The following SORCS1 variants were observed in gnomAD, a reference collection of about 807,000 sequenced individuals.
The protein encoded by SORCS1 is VPS10 domain-containing receptor SorCS1.
Under a neutral mutation model 146.1 loss-of-function variants are expected in SORCS1, and 60 were observed. The ratio of observed to expected loss-of-function variants is 0.41; its 90% CI spans 0.33 to 0.51. The LOEUF is 0.51. Among genes scored for constraint, SORCS1 ranks in the 20% least tolerant of loss-of-function variants. The probability of loss-of-function intolerance (pLI) is 0.21; values close to 1 mark genes in which losing one functional copy is unlikely to be tolerated. For synonymous variants in SORCS1, 637 were observed against 584.0 expected (o/e 1.09, Z -1.31); for missense variants, 1,352 against 1,487.6 (o/e 0.91, Z 1.50).
intron 1 of SORCS1, among the ~76,000 whole-genome samples, chr10:106,995,538 A>G (rs1956955833): frequency 6.6e-6 from 1 of 152,112 alleles, no homozygotes. Context: ...TGGGGAAAAA[A>G]ACGTCCTGCG....
At chr10:107,014,253 CAA>C (rs562179526) in intron 1 of SORCS1, among the ~76,000 whole-genome samples, 3,834 of 79,154 alleles carry the variant, frequency 0.048, 84 homozygotes, top group African/African-American at 0.18. Context: ...GACCCTGCGT[CAA>C]AAAAAAAAAA....
intron 8 of SORCS1, among the ~76,000 whole-genome samples, chr10:106,700,281 T>C (rs754336839): frequency 5.3e-5 from 8 of 152,144 alleles, no homozygotes; most frequent in Non-Finnish European, 1.5e-5. Context: ...AGAAGTACAA[T>C]GGAAGCTACC....
intron 1 of SORCS1, among the ~76,000 whole-genome samples, chr10:107,081,215 G>A (rs1442129957): frequency 6.6e-6 from 1 of 152,064 alleles, no homozygotes; most frequent in African/African-American, 2.4e-5. Context: ...ACAACTCAAT[G>A]GATAATGGTA....
chr10:106,992,734 C>T (rs533884760), intron 1 of SORCS1, among the ~76,000 whole-genome samples: 1 of 151,722 alleles, frequency 6.6e-6, no homozygotes, highest in Non-Finnish European at 1.5e-5. Context: ...TGACCTCAAG[C>T]AATCCTCCAT....
intron 1 of SORCS1, among the ~76,000 whole-genome samples, chr10:107,074,830 G>A (rs190889216): frequency 6.6e-6 from 1 of 151,788 alleles, no homozygotes; most frequent in East Asian, 1.9e-4. Context: ...ATCCTTACTC[G>A]TCATCTGTAT....
intron 18 of SORCS1, among the ~76,000 whole-genome samples, chr10:106,638,602 G>A (rs1848867822): frequency 6.6e-6 from 1 of 152,162 alleles, no homozygotes; most frequent in Non-Finnish European, 1.5e-5. Context: ...CAGTCAATAT[G>A]TTTAAATAGC....
chr10:107,164,684 C>T lies in SORCS1; in HGVS notation c.-158G>A, dbSNP rs948797543. 3.9e-5 allele frequency: 21 copies of T among 533,524 alleles called. No homozygotes were observed. The highest frequency in any genetic ancestry group is 3.8e-4 in the African/African-American group (19 of 50,326). The allele number at this position is 533,524 out of a possible 1,614,324, so 33.0% of individuals were successfully genotyped here. A position where few individuals can be genotyped will look rare whatever the true frequency, so the allele number is the denominator to read the frequency against. ...GGAGGCGGCGCCGGGCAGGTGGCGG[C>T]CGCTTGCCCGGGCTGGGCTTGTGCC... On this transcript the variant is annotated 5_prime_UTR_variant, in exon 1 of 26. Coordinates refer to ENST00000263054, the MANE Select transcript of SORCS1 (RefSeq NM_052918.5). The surrounding 1 kb of genome is among the most constrained non-coding windows in gnomAD (Gnocchi z 6.8).
intron 23 of SORCS1, among the ~76,000 whole-genome samples, chr10:106,605,823 G>A (rs940600214): frequency 1.3e-5 from 2 of 152,160 alleles, no homozygotes; most frequent in Non-Finnish European, 2.9e-5. Flanking sequence ...GGAGCCTTCT[G>A]CCAAGTGAAA....
chr10:107,042,301 C>T (rs1051047307), intron 1 of SORCS1, among the ~76,000 whole-genome samples: 5 of 152,124 alleles, frequency 3.3e-5, no homozygotes, highest in African/African-American at 7.2e-5. Context: ...ATAATAACAA[C>T]GAATAGCTTT....
In SORCS1 at chr10:106,713,374, C is replaced by A. The variant is rs553821395; in HGVS notation, c.1025-4033G>T. Among the ~76,000 whole-genome samples the A allele has an allele frequency of 2.6e-5, 4 of 152,276 alleles. No homozygotes were observed. In the East Asian group the frequency reaches 7.7e-4, roughly 29 times the overall value. On this transcript the variant is annotated intron_variant, in intron 6 of 25. Coordinates refer to ENST00000263054, the MANE Select transcript of SORCS1 (RefSeq NM_052918.5). ...CCAACTAGAATTTTTAAGACTGACA[C>A]CTAATGAGGACTTGATGCATACACA...
In SORCS1 at chr10:106,600,394, G is replaced by A. The variant is rs981192353; in HGVS notation, c.3166-2944C>T. 9 of 979,106 alleles carry A rather than the reference G, an allele frequency of 9.2e-6. No homozygotes were observed. In the African/African-American group the frequency reaches 1.4e-4, roughly 15 times the overall value. 60.7% of individuals were successfully genotyped at this position (979,106 alleles called of 1,614,324 possible). A position where few individuals can be genotyped will look rare whatever the true frequency, so the allele number is the denominator to read the frequency against. Reference sequence around the variant, plus strand: ...ACATTCAACAATGAACACATGCTTTGTGAGAAAAAATTTGCATAAGAAAAC... The same window carrying A: ...ACATTCAACAATGAACACATGCTTTATGAGAAAAAATTTGCATAAGAAAAC... On this transcript the variant is annotated intron_variant, in intron 23 of 25. Coordinates refer to ENST00000263054, the MANE Select transcript of SORCS1 (RefSeq NM_052918.5).
At chr10:106,853,397 ATTTT>A (rs57934259) in intron 2 of SORCS1, among the ~76,000 whole-genome samples, 3 of 136,564 alleles carry the variant, frequency 2.2e-5, no homozygotes, top group African/African-American at 8.3e-5. Context: ...CATTTTCTTG[ATTTT>A]TTTTTTTTTC....
At chr10:106,675,404 A>G (rs185574980) in intron 13 of SORCS1, among the ~76,000 whole-genome samples, 2 of 152,338 alleles carry the variant, frequency 1.3e-5, no homozygotes, top group East Asian at 3.9e-4. Context: ...GAGAATAACT[A>G]TAAGTCTTTT....
At chr10:106,656,518 T>C (rs946376535) in intron 17 of SORCS1, among the ~76,000 whole-genome samples, 1 of 151,814 alleles carries the variant, frequency 6.6e-6, no homozygotes, top group African/African-American at 2.4e-5. Context: ...ATTGCACCAC[T>C]GCACTCCCGA....
chr10:106,775,380 G>T (rs1170063250), intron 4 of SORCS1, among the ~76,000 whole-genome samples: 1 of 151,658 alleles, frequency 6.6e-6, no homozygotes, highest in Non-Finnish European at 1.5e-5. Context: ...AAAAAAAAAT[G>T]AATTGTAAAT....
chr10:106,822,802 T>TTTTTTTTTTTTTTTTTTTTTTTTTTTTTG (rs994708912), intron 3 of SORCS1, among the ~76,000 whole-genome samples: 3 of 140,120 alleles, frequency 2.1e-5, no homozygotes, highest in Non-Finnish European at 3.0e-5. Flanking sequence ...TTTTTTTTTT[T>TTTTTTTTTTTTTTTTTTTTTTTTTTTTTG]GAATATTGCT....
At chr10:106,657,845 T>G (rs1850425183) in intron 17 of SORCS1, among the ~76,000 whole-genome samples, 1 of 151,952 alleles carries the variant, frequency 6.6e-6, no homozygotes, top group African/African-American at 2.4e-5. Flanking sequence ...GCCTACAAAT[T>G]AGGGATAATT....
chr10:107,009,828 ATC>A (rs1957619328), intron 1 of SORCS1, among the ~76,000 whole-genome samples: 1 of 152,174 alleles, frequency 6.6e-6, no homozygotes, highest in South Asian at 2.1e-4. Context: ...AATAATTATT[ATC>A]AGAGCGACAA....
At chr10:107,146,650 G>T (rs1261486376) in intron 1 of SORCS1, among the ~76,000 whole-genome samples, 1 of 152,080 alleles carries the variant, frequency 6.6e-6, no homozygotes, top group South Asian at 2.1e-4. Context: ...ATGTCATAGC[G>T]TCCTAAACGC....
Sources: allele counts gnomAD v4.1 joint callset (sites outside exome capture counted in the v4.1 genomes callset), GRCh38; gene constraint gnomAD v4.1.1; non-coding constraint Gnocchi (gnomAD v3.1); transcripts MANE v1.5; gene names NCBI Gene and HGNC (gene_info 2026-07-23, HGNC 2026-07-21).